Variants in HECW2 observed in about 807,000 individuals in gnomAD.
The protein encoded by HECW2 is E3 ubiquitin-protein ligase HECW2.
In HECW2, 61 loss-of-function variants were observed where a neutral mutation model predicts 175.2. That is an observed-to-expected ratio of 0.35 (90% confidence interval 0.28 to 0.43). The LOEUF (loss-of-function observed/expected upper bound fraction) is 0.43. Ranked by LOEUF, HECW2 falls within the 20% of genes least tolerant of loss-of-function variation. HECW2 has a pLI of 1.00. For missense variants in HECW2, 1,524 were observed against 2,000.5 expected, an observed-to-expected ratio of 0.76 and a Z score of 4.54; for synonymous variants, 671 against 731.0, an observed-to-expected ratio of 0.92 and a Z score of 1.32.
At chr2:196,347,321 A>G (rs994399231) in intron 2 of HECW2, among the ~76,000 whole-genome samples, 1 of 151,948 alleles carries the variant, frequency 6.6e-6, no homozygotes, top group Non-Finnish European at 1.5e-5. Context: ...TGGCCTCCCA[A>G]AATGCTAGGA....
intron 1 of HECW2, among the ~76,000 whole-genome samples, chr2:196,501,099 A>G (rs541388379): frequency 2.6e-5 from 4 of 152,364 alleles, no homozygotes; most frequent in African/African-American, 9.6e-5. Context: ...TTATAATGGC[A>G]GAAATACATT....
intron 1 of HECW2, among the ~76,000 whole-genome samples, chr2:196,499,198 G>C (rs1687496144): frequency 6.6e-6 from 1 of 151,684 alleles, no homozygotes; most frequent in South Asian, 2.1e-4. Flanking sequence ...CTGGGCAGTA[G>C]GCAAGAAGAA....
At chr2:196,366,330 G>A (rs567327434) in intron 2 of HECW2, among the ~76,000 whole-genome samples, 300 of 152,282 alleles carry the variant, frequency 2.0e-3, no homozygotes, top group Middle Eastern at 0.01. Flanking sequence ...CTTTGGAAGA[G>A]AAGAAAATTC....
chr2:196,455,883 T>C (rs1199230595), intron 1 of HECW2, among the ~76,000 whole-genome samples: 1 of 147,372 alleles, frequency 6.8e-6, no homozygotes, highest in Non-Finnish European at 1.5e-5. Flanking sequence ...ATGATATAAA[T>C]AACAGAAAAA....
At chr2:196,208,987 C>T (rs1687167463) in intron 28 of HECW2, among the ~76,000 whole-genome samples, 1 of 152,170 alleles carries the variant, frequency 6.6e-6, no homozygotes, top group Non-Finnish European at 1.5e-5. Flanking sequence ...ATTTAGCCAG[C>T]AGTCTACTGC....
chr2:196,415,388 T>G (rs1333715159), intron 2 of HECW2, among the ~76,000 whole-genome samples: 1 of 152,152 alleles, frequency 6.6e-6, no homozygotes, highest in Non-Finnish European at 1.5e-5. Flanking sequence ...GTCTGTTCGT[T>G]TTGAACAAAC....
chr2:196,413,345 A>T (rs1481108035), intron 2 of HECW2, among the ~76,000 whole-genome samples: 1 of 149,366 alleles, frequency 6.7e-6, no homozygotes. Flanking sequence ...ACAGAGCAAG[A>T]CCCTGTCTTT....
chr2:196,563,343 A>G (rs1196475928), intron 1 of HECW2, among the ~76,000 whole-genome samples: 3 of 152,174 alleles, frequency 2.0e-5, no homozygotes, highest in Non-Finnish European at 2.9e-5. Context: ...AGGCAGGTGG[A>G]TCACTTGAGG....
chr2:196,514,270 G>T (rs13018817), intron 1 of HECW2, among the ~76,000 whole-genome samples: 1 of 152,232 alleles, frequency 6.6e-6, no homozygotes, highest in Admixed American at 6.5e-5. Flanking sequence ...GCACTTCGGA[G>T]GGCGCTGACA....
At chr2:196,233,200 G>A (rs537230126) in intron 21 of HECW2, among the ~76,000 whole-genome samples, 8 of 152,220 alleles carry the variant, frequency 5.3e-5, no homozygotes, top group East Asian at 1.9e-4. Flanking sequence ...GGCTTGGCAC[G>A]GAAATATAAA....
chr2:196,322,326 C>A, intron 7 of HECW2, 152 bp downstream of exon 7: 1 of 505,498 alleles, frequency 2.0e-6, no homozygotes, highest in Non-Finnish European at 3.3e-6. Flanking sequence ...TTGTCAAGTA[C>A]ATTTTAATAA....
intron 13 of HECW2, among the ~76,000 whole-genome samples, chr2:196,301,963 C>T (rs1339236374): frequency 3.3e-5 from 5 of 152,126 alleles, no homozygotes; most frequent in Non-Finnish European, 4.4e-5. Context: ...TTGCTTGTGC[C>T]TATGTCCTGA....
intron 1 of HECW2, among the ~76,000 whole-genome samples, chr2:196,461,238 T>C (rs1214074638): frequency 6.6e-6 from 1 of 152,064 alleles, no homozygotes; most frequent in Non-Finnish European, 1.5e-5. Flanking sequence ...GTCAGAAGAA[T>C]TACATTACAA....
At chr2:196,424,175 G>A (rs1666628987) in intron 2 of HECW2, among the ~76,000 whole-genome samples, 1 of 151,904 alleles carries the variant, frequency 6.6e-6, no homozygotes, top group Admixed American at 6.6e-5. Flanking sequence ...TATTGTAATT[G>A]TTTTGAGGCA....
intron 2 of HECW2, among the ~76,000 whole-genome samples, chr2:196,392,654 C>T (rs1230255688): frequency 6.6e-6 from 1 of 151,996 alleles, no homozygotes; most frequent in Admixed American, 6.6e-5. Context: ...CCAAATGCCA[C>T]CACCATGTTT....
intron 2 of HECW2, among the ~76,000 whole-genome samples, chr2:196,354,184 C>T (rs1250458953): frequency 6.6e-6 from 1 of 152,228 alleles, no homozygotes; most frequent in Non-Finnish European, 1.5e-5. Flanking sequence ...TGTTAATACA[C>T]CACCATCAGT....
intron 14 of HECW2, among the ~76,000 whole-genome samples, chr2:196,282,357 T>C (rs1398644229): frequency 6.6e-6 from 1 of 152,208 alleles, no homozygotes; most frequent in Non-Finnish European, 1.5e-5. Context: ...TCAAACTCTG[T>C]AAAATATTTG....
At chr2:196,365,154 A>G (rs1693710043) in intron 2 of HECW2, among the ~76,000 whole-genome samples, 1 of 152,230 alleles carries the variant, frequency 6.6e-6, no homozygotes, top group East Asian at 1.9e-4. Flanking sequence ...ACAATTAAAG[A>G]CATCACTTAA....
In HECW2 at chr2:196,195,279, A is replaced by G. The variant is rs933011778; in HGVS notation, c.*5998T>C. On this transcript the variant is annotated 3_prime_UTR_variant, in exon 29 of 29. Coordinates refer to ENST00000644978, the MANE Select transcript of HECW2 (RefSeq NM_001348768.2). ...TGACTGATGGTTCCTTACCTGCATC[A>G]GTAATAGCTGATTCAGTTTGAATCA... 3 of 152,348 alleles carry G rather than the reference A, an allele frequency of 2.0e-5. No individual in the cohort carries two copies. Among genetic ancestry groups the G allele is most frequent in the East Asian group, 3.9e-4 (2 of 5,190 alleles). 9.4% of individuals were successfully genotyped at this position (152,348 alleles called of 1,614,324 possible).
Sources: allele counts gnomAD v4.1 joint callset (sites outside exome capture counted in the v4.1 genomes callset), GRCh38; gene constraint gnomAD v4.1.1; transcripts MANE v1.5; gene names NCBI Gene and HGNC (gene_info 2026-07-23, HGNC 2026-07-21).